Variants in TMEM132D observed in about 807,000 individuals in gnomAD.
The protein encoded by TMEM132D is transmembrane protein 132D.
A neutral mutation model predicts 62.3 loss-of-function variants in TMEM132D; 21 were observed. The observed-to-expected ratio is 0.34, with a 90% CI of 0.24 to 0.49. The LOEUF (loss-of-function observed/expected upper bound fraction) is 0.49, where lower values mean the gene tolerates loss of function less well. Among genes scored for constraint, TMEM132D ranks in the 20% least tolerant of loss-of-function variants. The pLI is 0.99. For synonymous variants in TMEM132D, 621 were observed against 575.6 expected, an observed-to-expected ratio of 1.08 and a Z score of -1.13; for missense variants, 1,346 against 1,402.8, an observed-to-expected ratio of 0.96 and a Z score of 0.65.
At chr12:129,532,907 C>A (rs1372867040) in intron 2 of TMEM132D, among the ~76,000 whole-genome samples, 1 of 152,196 alleles carries the variant, frequency 6.6e-6, no homozygotes, top group East Asian at 1.9e-4. Flanking sequence ...GAGCGTGAGC[C>A]TGGTCTCCTC....
intron 5 of TMEM132D, among the ~76,000 whole-genome samples, chr12:129,094,480 C>A (rs144630746): frequency 0.2 from 30,742 of 152,060 alleles, 3,491 homozygotes; most frequent in Non-Finnish European, 0.25. Context: ...AACCACAATG[C>A]GATACCATCT....
At chr12:129,353,656 A>G (rs140602071) in intron 3 of TMEM132D, among the ~76,000 whole-genome samples, 2 of 152,284 alleles carry the variant, frequency 1.3e-5, no homozygotes, top group East Asian at 3.9e-4. Flanking sequence ...CAGACTTGTG[A>G]ACCTGGAAGC....
chr12:129,880,565 T>A (rs1182242908), intron 1 of TMEM132D, among the ~76,000 whole-genome samples: 1 of 152,134 alleles, frequency 6.6e-6, no homozygotes, highest in Non-Finnish European at 1.5e-5. Flanking sequence ...ATAAAATAAA[T>A]GGCATCAGTA....
intron 8 of TMEM132D, among the ~76,000 whole-genome samples, chr12:129,077,635 GACAC>G (rs894081545): frequency 6.6e-6 from 1 of 151,134 alleles, no homozygotes; most frequent in Non-Finnish European, 1.5e-5. Flanking sequence ...AAATACACAA[GACAC>G]ACATGCATAC....
Position 129,494,772 on chromosome 12 carries a change from G to A in TMEM132D, c.1115+36287C>T, listed in dbSNP as rs78354105. On this transcript the variant is annotated intron_variant, in intron 3 of 8. Coordinates refer to ENST00000422113, the MANE Select transcript of TMEM132D (RefSeq NM_133448.3). ...ATCGGAAGTCATCATCCTGGCCTCT[G>A]AGTCCCCATGTGATCCAATCCTTAC... is the stretch of plus-strand genomic sequence containing the variant. 5.0e-3 allele frequency among the ~76,000 whole-genome samples: 759 copies of A among 152,118 alleles called. 4 individuals carry two copies. The highest frequency in any genetic ancestry group is 0.016 in the African/African-American group (663 of 41,498).
At chr12:129,138,720 T>C (rs1876656346) in intron 5 of TMEM132D, among the ~76,000 whole-genome samples, 1 of 152,184 alleles carries the variant, frequency 6.6e-6, no homozygotes, top group Non-Finnish European at 1.5e-5. Flanking sequence ...GACTCCTTTT[T>C]AGAAAGAAAG....
At chr12:129,300,790 C>T (rs919888943) in intron 4 of TMEM132D, among the ~76,000 whole-genome samples, 2 of 152,106 alleles carry the variant, frequency 1.3e-5, no homozygotes, top group East Asian at 1.9e-4. Flanking sequence ...AATACAGAAA[C>T]GAATAATTAC....
At chr12:129,534,898 C>T (rs1419545824) in intron 2 of TMEM132D, among the ~76,000 whole-genome samples, 1 of 151,974 alleles carries the variant, frequency 6.6e-6, no homozygotes, top group Non-Finnish European at 1.5e-5. Flanking sequence ...TCTCAGCCTT[C>T]CCTTTAGGCA....
chr12:129,114,002 C>T (rs936796483), intron 5 of TMEM132D, among the ~76,000 whole-genome samples: 1 of 151,960 alleles, frequency 6.6e-6, no homozygotes, highest in African/African-American at 2.4e-5. Context: ...CTGGGAAGTG[C>T]CTGGAGACCA....
chr12:129,661,601 C>T (rs907403179), intron 2 of TMEM132D, among the ~76,000 whole-genome samples: 1 of 152,186 alleles, frequency 6.6e-6, no homozygotes, highest in Non-Finnish European at 1.5e-5. Flanking sequence ...TGATACTTAT[C>T]TCAGATACTA....
intron 2 of TMEM132D, among the ~76,000 whole-genome samples, chr12:129,680,038 G>A (rs536946539): frequency 8.5e-5 from 13 of 152,218 alleles, no homozygotes; most frequent in Admixed American, 1.3e-4. Flanking sequence ...TATCAACACC[G>A]TCAATTATAC....
At chr12:129,434,380 G>A (rs1390564558) in intron 3 of TMEM132D, among the ~76,000 whole-genome samples, 1 of 152,216 alleles carries the variant, frequency 6.6e-6, no homozygotes, top group Admixed American at 6.5e-5. Context: ...GAATATGGAC[G>A]AGTTACTTAA....
At position 129,867,803 on chromosome 12, in the gene TMEM132D, A is replaced by G. The variant is rs1340198431; in HGVS notation, c.79+35458T>C. 6.6e-6 allele frequency among the ~76,000 whole-genome samples: 1 copy of G among 152,258 alleles called. No individual in the cohort carries two copies. The highest frequency in any genetic ancestry group is 1.5e-5 in the Non-Finnish European group (1 of 68,040). ...ATAAATTTTAAAAGGTATATATTTA[A>G]GCCAAAACTAACCTAGTGAAAAACA... is the stretch of plus-strand genomic sequence containing the variant. On this transcript the variant is annotated intron_variant, in intron 1 of 8. Transcript: ENST00000422113. This position sits in a 1 kb window ranked among gnomAD's most constrained non-coding sequence, Gnocchi z 4.5.
intron 5 of TMEM132D, among the ~76,000 whole-genome samples, chr12:129,176,419 T>A (rs569219113): frequency 6.6e-6 from 1 of 152,342 alleles, no homozygotes; most frequent in South Asian, 2.1e-4. Context: ...GTAGCCACCA[T>A]TGGGTTGCCA....
In TMEM132D at chr12:129,903,278, G is replaced by A. The variant is rs1231726027; in HGVS notation, c.62C>T (p.Ala21Val). 4 of 1,553,668 alleles carry A rather than the reference G, an allele frequency of 2.6e-6. No homozygotes were observed. The highest frequency in any genetic ancestry group is 1.2e-5 in the South Asian group (1 of 84,174). ...GTCCTCACCTTTGGAAAACAGGGCG[G>A]CCAGGCTGATGAGTACCGGCGACCA... Reference protein sequence around the residue: ...HHWSPVLISLAALFSKVTEGR... With the variant: ...HHWSPVLISLVALFSKVTEGR... The change falls in exon 1 of 9, where the codon GCC (alanine) becomes GTC (valine). Residue 21 changes from alanine to valine, a missense_variant. Physicochemically the swap from Ala to Val is moderately conservative, Grantham distance 64. Transcript: ENST00000422113. This position sits in a 1 kb window ranked among gnomAD's most constrained non-coding sequence, Gnocchi z 6.2.
At chr12:129,098,587 A>G (rs1212747432) in intron 5 of TMEM132D, among the ~76,000 whole-genome samples, 2 of 152,174 alleles carry the variant, frequency 1.3e-5, no homozygotes, top group African/African-American at 2.4e-5. Flanking sequence ...TGGTGTTATT[A>G]CATCTCCATT....
At chr12:129,820,807 T>C (rs1318697552) in intron 1 of TMEM132D, among the ~76,000 whole-genome samples, 1 of 152,216 alleles carries the variant, frequency 6.6e-6, no homozygotes, top group Non-Finnish European at 1.5e-5. Context: ...CAGGCTGGCC[T>C]CAAACTCGTG....
intron 4 of TMEM132D, among the ~76,000 whole-genome samples, chr12:129,269,434 CCT>C (rs1412307195): frequency 1.3e-5 from 2 of 152,092 alleles, no homozygotes; most frequent in Non-Finnish European, 2.9e-5. Flanking sequence ...TTCCATCTCC[CCT>C]GTTAGATTCC....
intron 2 of TMEM132D, among the ~76,000 whole-genome samples, chr12:129,560,713 C>A (rs1877198243): frequency 6.6e-6 from 1 of 152,190 alleles, no homozygotes; most frequent in African/African-American, 2.4e-5. Flanking sequence ...ATAAAACAAA[C>A]AACAAAAGTT....
Sources: allele counts gnomAD v4.1 joint callset (sites outside exome capture counted in the v4.1 genomes callset), GRCh38; gene constraint gnomAD v4.1.1; non-coding constraint Gnocchi (gnomAD v3.1); transcripts MANE v1.5; gene names NCBI Gene and HGNC (gene_info 2026-07-23, HGNC 2026-07-21).